The following ASTN1 variants were observed in gnomAD, a reference collection of about 807,000 sequenced individuals.
ASTN1 encodes astrotactin 1.
In ASTN1, 41 loss-of-function variants were observed where a neutral mutation model predicts 140.7. The ratio of observed to expected loss-of-function variants is 0.29; its 90% CI spans 0.23 to 0.38. The LOEUF is 0.38. Among genes scored for constraint, ASTN1 ranks in the 10% least tolerant of loss-of-function variants. The pLI is 1.00. For missense variants in ASTN1, 1,479 were observed against 1,678.8 expected (o/e 0.88, Z 2.08); for synonymous variants, 640 against 652.2 (o/e 0.98, Z 0.29).
In ASTN1 at chr1:177,108,193, C is replaced by CA. The variant is rs939740268; in HGVS notation, c.284-46929dup. 1.4e-3 allele frequency among the ~76,000 whole-genome samples: 213 copies of CA among 151,532 alleles called. 1 individual carries two copies. Among genetic ancestry groups the CA allele is most frequent in the East Asian group, 2.7e-3 (14 of 5,144 alleles). On this transcript the variant is annotated intron_variant, in intron 1 of 22. Transcript: ENST00000361833. ...TGAAACCCCATCTCTACTAAAAATA[C>CA]AAAAAATTAGCTGGGCGTGGTGGTG... is the stretch of plus-strand genomic sequence containing the variant.
chr1:177,029,709 A>G lies in ASTN1; in HGVS notation c.1045T>C (p.Ser349Pro). The G allele has an allele frequency of 6.2e-7, 1 of 1,613,366 alleles. No individual in the cohort carries two copies. The stretch of plus-strand genomic sequence containing the variant: ...GGGTCGTTTTCTGCCTCTGTGCCAG[A>G]ATCCCCTTCAGGGTTCAAGAAGGCG... ...GSAFLNPEGDSGTEAENDPQL... is the reference protein window; with the variant it reads ...GSAFLNPEGDPGTEAENDPQL... Residue 349 changes from serine to proline, a missense_variant, in exon 5 of 23, where the codon TCT (serine) becomes CCT (proline). Transcript: ENST00000361833.
At chr1:177,097,985 T>C (rs1180884376) in intron 1 of ASTN1, among the ~76,000 whole-genome samples, 1 of 152,138 alleles carries the variant, frequency 6.6e-6, no homozygotes, top group Non-Finnish European at 1.5e-5. Context: ...CATATCTATC[T>C]CTTGACTATT....
chr1:176,985,305 G>A (rs75228820), intron 8 of ASTN1, among the ~76,000 whole-genome samples: 1 of 152,046 alleles, frequency 6.6e-6, no homozygotes, highest in Admixed American at 6.6e-5. Flanking sequence ...GCACCTCTGT[G>A]GTCTTTGAGT....
Position 177,032,654 on chromosome 1 carries a change from G to T in ASTN1, c.667C>A (p.Gln223Lys). The T allele has an allele frequency of 1.2e-6, 2 of 1,614,178 alleles. No homozygotes were observed. Among genetic ancestry groups the T allele is most frequent in the Non-Finnish European group, 1.7e-6 (2 of 1,180,044 alleles). ...GRESLRNARV[Q>K]GHNSSGTLSI... is the part of the protein sequence containing the mutation. Reference sequence around the variant, plus strand: ...AGGGTGCCACTGGAGTTGTGGCCCTGCACGCGGGCATTGCGCAGGCTCTCC... The same window carrying T: ...AGGGTGCCACTGGAGTTGTGGCCCTTCACGCGGGCATTGCGCAGGCTCTCC... The change falls in exon 3 of 23, where the codon CAG becomes AAG. Residue 223 changes from glutamine to lysine, a missense_variant. This residue lies in a region of ASTN1 where 729 missense variants were observed against 860.4 expected (regional missense o/e 0.85). Transcript: ENST00000361833.
intron 2 of ASTN1, among the ~76,000 whole-genome samples, chr1:177,035,473 G>T (rs1285128410): frequency 6.6e-6 from 1 of 152,214 alleles, no homozygotes; most frequent in Non-Finnish European, 1.5e-5. Flanking sequence ...CAAAGGAGGA[G>T]CTATCATAAA....
intron 2 of ASTN1, among the ~76,000 whole-genome samples, chr1:177,058,102 G>A (rs1049956489): frequency 6.6e-6 from 1 of 152,204 alleles, no homozygotes; most frequent in Non-Finnish European, 1.5e-5. Flanking sequence ...TGGGGTGTGT[G>A]TATGGAATGG....
At chr1:176,950,585 G>A (rs1672152968) in intron 11 of ASTN1, among the ~76,000 whole-genome samples, 1 of 152,012 alleles carries the variant, frequency 6.6e-6, no homozygotes, top group Admixed American at 6.6e-5. Context: ...ACTGGGCTCT[G>A]TTTCAAAGTC....
chr1:177,112,512 A>C (rs1365502303), intron 1 of ASTN1, among the ~76,000 whole-genome samples: 1 of 152,208 alleles, frequency 6.6e-6, no homozygotes, highest in Non-Finnish European at 1.5e-5. Context: ...ACATTGACTC[A>C]AAGGCAGATA....
At chr1:176,884,892 C>T (rs891982321) in intron 18 of ASTN1, among the ~76,000 whole-genome samples, 16 of 152,130 alleles carry the variant, frequency 1.1e-4, no homozygotes, top group African/African-American at 1.9e-4. Flanking sequence ...CATATAAAGA[C>T]GTATTGAAGG....
At chr1:177,032,976 AT>A in intron 2 of ASTN1, 127 bp from the exon 3 acceptor site, 1 of 1,148,884 alleles carries the variant, frequency 8.7e-7, no homozygotes, top group Non-Finnish European at 1.2e-6. Context: ...TGTATTAAGC[AT>A]TTACAGCAAG....
chr1:176,891,268 A>T (rs912755080), intron 17 of ASTN1, among the ~76,000 whole-genome samples: 2 of 152,216 alleles, frequency 1.3e-5, no homozygotes, highest in Non-Finnish European at 1.5e-5. Context: ...AAATTTTCCA[A>T]TTTTTGTTAT....
intron 1 of ASTN1, among the ~76,000 whole-genome samples, chr1:177,153,573 C>T (rs1361187627): frequency 1.3e-5 from 2 of 151,922 alleles, no homozygotes; most frequent in Non-Finnish European, 2.9e-5. Context: ...AAAAATAAAG[C>T]TATTAGAATA....
In ASTN1 at chr1:177,150,080, C is replaced by G. The variant is rs554690755; in HGVS notation, c.283+14314G>C. On this transcript the variant is annotated intron_variant, in intron 1 of 22. Transcript: ENST00000361833. ...TAAGAATGATTCCAAAGTGGGTCTA[C>G]AAGTTTGTGTGTTGGAGATGTATGA... Among the ~76,000 whole-genome samples the G allele has an allele frequency of 2.6e-5, 4 of 151,874 alleles. No homozygotes were observed. In the South Asian group the frequency reaches 8.3e-4, roughly 32 times the overall value.
intron 18 of ASTN1, 71 bp from the exon 19 acceptor site, chr1:176,884,561 A>C (rs542100229): frequency 6.7e-7 from 1 of 1,493,422 alleles, no homozygotes; most frequent in African/African-American, 1.4e-5. Context: ...GACTACCTCA[A>C]TTGTGATACT....
intron 1 of ASTN1, among the ~76,000 whole-genome samples, chr1:177,114,772 C>T (rs7517491): frequency 6.6e-6 from 1 of 152,098 alleles, no homozygotes; most frequent in Admixed American, 6.6e-5. Flanking sequence ...CAAACATATA[C>T]CTTTTTAAAA....
intron 1 of ASTN1, among the ~76,000 whole-genome samples, chr1:177,141,331 T>C (rs1213755440): frequency 6.6e-6 from 1 of 152,108 alleles, no homozygotes; most frequent in African/African-American, 2.4e-5. Context: ...CAATGAATGA[T>C]GGGGGCTTGG....
chr1:176,959,861 G>A (rs796453337), intron 9 of ASTN1, among the ~76,000 whole-genome samples: 1 of 152,304 alleles, frequency 6.6e-6, no homozygotes, highest in Admixed American at 6.5e-5. Context: ...CTCTGAAAGA[G>A]TCACTCAATT....
chr1:176,904,490 A>G (rs1420863183), intron 16 of ASTN1, among the ~76,000 whole-genome samples: 1 of 151,458 alleles, frequency 6.6e-6, no homozygotes, highest in Non-Finnish European at 1.5e-5. Flanking sequence ...GGAGAGGACG[A>G]CACTGAGAGA....
At chr1:176,969,192 C>T (rs141671831) in intron 8 of ASTN1, among the ~76,000 whole-genome samples, 187 of 152,210 alleles carry the variant, frequency 1.2e-3, no homozygotes, top group Non-Finnish European at 2.4e-3. Flanking sequence ...AAATCTTGTA[C>T]CCAGGTTTAA....
Sources: allele counts gnomAD v4.1 joint callset (sites outside exome capture counted in the v4.1 genomes callset), GRCh38; gene constraint gnomAD v4.1.1; regional missense constraint gnomAD v4.1.1; transcripts MANE v1.5; gene names NCBI Gene and HGNC (gene_info 2026-07-23, HGNC 2026-07-21).